The following MREG variants were observed in gnomAD, a reference collection of about 807,000 sequenced individuals.
MREG encodes melanoregulin, also known as dilute suppressor protein homolog.
In MREG, 31 loss-of-function variants were observed where a neutral mutation model predicts 28.5. The observed-to-expected ratio is 1.09, with a 90% CI of 0.82 to 1.47. The LOEUF is 1.47. Among genes scored for constraint, MREG ranks in the 40% most tolerant of loss-of-function variants. The pLI, the probability that MREG is intolerant of heterozygous loss-of-function variation, is 0.00. For synonymous variants in MREG, 106 were observed against 95.2 expected (o/e 1.11, Z -0.66); for missense variants, 256 against 257.4 (o/e 0.99, Z 0.04).
At chr2:215,995,505 C>T (rs545095813) in intron 2 of MREG, among the ~76,000 whole-genome samples, 1 of 131,760 alleles carries the variant, frequency 7.6e-6, no homozygotes, top group Admixed American at 7.3e-5. Context: ...CCTCCACCCA[C>T]CCCACCCCCC....
rs1183498227 is a variant in MREG, at chr2:215,996,265, T to C, written c.255+41A>G. The C allele has an allele frequency of 5.0e-6, 8 of 1,587,508 alleles. No individual in the cohort carries two copies. In the African/African-American group the frequency reaches 5.4e-5, roughly 11 times the overall value. On this transcript the variant is annotated intron_variant, in intron 2 of 4. Coordinates refer to ENST00000263268, the MANE Select transcript of MREG (RefSeq NM_018000.3). ...TCAGGAATTACTATTTTTTACTATATAGCATCATCCGCGCACAGCAAGACA... is the reference window on the plus strand; with the variant it reads ...TCAGGAATTACTATTTTTTACTATACAGCATCATCCGCGCACAGCAAGACA...
chr2:215,973,918 C>G (rs529807043), intron 2 of MREG, among the ~76,000 whole-genome samples: 7 of 152,332 alleles, frequency 4.6e-5, no homozygotes, highest in Admixed American at 2.6e-4. Flanking sequence ...ACACTTCTTG[C>G]ATGCTTGTGG....
intron 2 of MREG, among the ~76,000 whole-genome samples, chr2:215,977,473 A>T (rs1693294249): frequency 6.6e-6 from 1 of 152,204 alleles, no homozygotes; most frequent in Non-Finnish European, 1.5e-5. Context: ...CAGATCAACG[A>T]GACAGAAAAT....
intron 1 of MREG, among the ~76,000 whole-genome samples, chr2:216,001,112 C>G (rs1191647234): frequency 6.6e-6 from 1 of 152,128 alleles, no homozygotes; most frequent in East Asian, 1.9e-4. Context: ...CTCTGCATCT[C>G]TGTCTTTCCT....
At chr2:215,969,055 G>A (rs1693019230) in intron 2 of MREG, among the ~76,000 whole-genome samples, 1 of 152,146 alleles carries the variant, frequency 6.6e-6, no homozygotes, top group Admixed American at 6.6e-5. Context: ...CACTGCACCT[G>A]GCATTGTCTG....
upstream of MREG, among the ~76,000 whole-genome samples, chr2:216,014,799 C>A (rs1694405376): frequency 6.6e-6 from 1 of 152,096 alleles, no homozygotes; most frequent in Non-Finnish European, 1.5e-5. Flanking sequence ...ACTCTCTGAC[C>A]AGCAACATAT....
At chr2:215,945,405 GATT>G (rs1198577050) in intron 4 of MREG, among the ~76,000 whole-genome samples, 163 bp downstream of exon 4, 5 of 152,176 alleles carry the variant, frequency 3.3e-5, no homozygotes, top group Non-Finnish European at 5.9e-5. Context: ...CTCTTTAGGT[GATT>G]CTGATGCTGC....
chr2:216,012,109 A>T (rs1287768165), intron 1 of MREG, among the ~76,000 whole-genome samples: 3 of 152,226 alleles, frequency 2.0e-5, no homozygotes, highest in African/African-American at 7.2e-5. Context: ...TACATCCTAG[A>T]AGAGGAAGAT....
At chr2:215,948,504 A>G (rs754341276) in intron 2 of MREG, among the ~76,000 whole-genome samples, 7 of 152,254 alleles carry the variant, frequency 4.6e-5, no homozygotes, top group Non-Finnish European at 7.3e-5. Flanking sequence ...ACTAAGTCAT[A>G]TAAGAAATAT....
intron 2 of MREG, among the ~76,000 whole-genome samples, chr2:215,977,818 T>G (rs544354555): frequency 6.6e-6 from 1 of 152,286 alleles, no homozygotes; most frequent in East Asian, 1.9e-4. Flanking sequence ...AATAAATATA[T>G]TATTTGAAAC....
chr2:216,001,456 G>C (rs915218936), intron 1 of MREG, among the ~76,000 whole-genome samples: 1 of 152,124 alleles, frequency 6.6e-6, no homozygotes, highest in East Asian at 1.9e-4. Flanking sequence ...TATTCTCTGC[G>C]AGCTCCTGGG....
At chr2:216,025,092 A>G (rs909879891) in intron 1 of MREG, among the ~76,000 whole-genome samples, 5 of 152,218 alleles carry the variant, frequency 3.3e-5, no homozygotes, top group South Asian at 2.1e-4. Flanking sequence ...GCACTGTGAC[A>G]TCCCTGAAAA....
intron 2 of MREG, among the ~76,000 whole-genome samples, chr2:215,994,632 G>A (rs1559191152): frequency 6.7e-6 from 1 of 149,782 alleles, no homozygotes; most frequent in Non-Finnish European, 1.5e-5. Context: ...GAAGAAGGAG[G>A]GGGAGGAGGA....
chr2:215,945,762 T>A (rs1692303016), intron 3 of MREG, 28 bp from the exon 4 acceptor site: 1 of 1,597,992 alleles, frequency 6.3e-7, no homozygotes, highest in Admixed American at 1.7e-5. Flanking sequence ...ACCACTCATG[T>A]AAAGTAGTCC....
chr2:216,013,674 C>A (rs1293943518), upstream of MREG: 2 of 152,106 alleles, frequency 1.3e-5, no homozygotes, highest in Non-Finnish European at 2.9e-5. Context: ...CTCAAAATCC[C>A]AGGGCACCGG....
intron 2 of MREG, among the ~76,000 whole-genome samples, chr2:215,967,024 G>A (rs777307855): frequency 9.9e-5 from 15 of 152,182 alleles, no homozygotes; most frequent in Admixed American, 2.0e-4. Flanking sequence ...TACAAACGCT[G>A]ATGCCAAAAG....
intron 1 of MREG, among the ~76,000 whole-genome samples, chr2:216,021,676 T>C (rs1249518307): frequency 1.3e-5 from 2 of 152,220 alleles, no homozygotes; most frequent in Non-Finnish European, 2.9e-5. Context: ...GTATGGTCTT[T>C]GGCATAACAG....
At chr2:216,004,580 G>A (rs1225040997) in intron 1 of MREG, among the ~76,000 whole-genome samples, 1 of 149,978 alleles carries the variant, frequency 6.7e-6, no homozygotes, top group Non-Finnish European at 1.5e-5. Context: ...AAAAAAACCT[G>A]TGCCTGGCAC....
chr2:215,963,463 A>AC lies in MREG; in HGVS notation c.256-16351dup, dbSNP rs1692854528. Among the ~76,000 whole-genome samples, 8 of 147,840 alleles carry AC rather than the reference A, an allele frequency of 5.4e-5. No homozygotes were observed. In the South Asian group the frequency reaches 1.3e-3, roughly 24 times the overall value. On this transcript the variant is annotated intron_variant, in intron 2 of 4. Coordinates refer to ENST00000263268, the MANE Select transcript of MREG (RefSeq NM_018000.3). ...AAAAAAAAAAAAAAAAAACAAAAAA[A>AC]CAGAGTTTTTATATTGATTACGTGT...
Sources: gnomAD v4.1 joint callset for allele counts (sites outside exome capture counted in the v4.1 genomes callset) on GRCh38, gnomAD v4.1.1 for gene constraint, MANE v1.5 for transcripts, NCBI Gene and HGNC (gene_info 2026-07-23, HGNC 2026-07-21) for gene names.